Variants in ARHGAP29 observed in about 807,000 individuals in gnomAD.
ARHGAP29 encodes rho GTPase-activating protein 29.
ARHGAP29 carries 43 observed loss-of-function variants against 122.6 expected under a neutral mutation model. The observed-to-expected ratio is 0.35, with a 90% confidence interval of 0.27 to 0.45. The LOEUF (loss-of-function observed/expected upper bound fraction) is 0.45. Among genes scored for constraint, ARHGAP29 ranks in the 20% least tolerant of loss-of-function variants. ARHGAP29 has a pLI of 1.00. For synonymous variants in ARHGAP29, 506 were observed against 497.1 expected, an observed-to-expected ratio of 1.02 and a Z score of -0.24; for missense variants, 1,303 against 1,477.2, an observed-to-expected ratio of 0.88 and a Z score of 1.93.
chr1:94,218,307 T>C (rs1044951808), intron 3 of ARHGAP29, among the ~76,000 whole-genome samples: 2 of 152,228 alleles, frequency 1.3e-5, no homozygotes, highest in African/African-American at 2.4e-5. Context: ...AATCTTCCCC[T>C]TTTAAATGTC....
At chr1:94,241,041 G>A (rs768782552), upstream of ARHGAP29, among the ~76,000 whole-genome samples, 2 of 151,996 alleles carry the variant, frequency 1.3e-5, no homozygotes, top group East Asian at 1.9e-4. Context: ...CAGAGGACAG[G>A]GATACTGCTA....
intron 7 of ARHGAP29, 96 bp downstream of exon 7, chr1:94,204,965 C>G: frequency 8.6e-7 from 1 of 1,164,148 alleles, no homozygotes; most frequent in South Asian, 2.0e-5. Flanking sequence ...GAAACAGGTA[C>G]TAATTTGGAA....
rs751549644 is a variant in ARHGAP29 at position 94,184,216 on chromosome 1, A to G, written c.2182T>C (p.Leu728=). ...LCQALENGMH[L]VDISEFSSHD... ...GAACTAAATTCTGAAATATCTACCA[A>G]GTGCATTCCATTTTCCAAAGCTTGA... Residue 728 remains leucine, a synonymous_variant, in exon 19 of 23, where the codon TTG becomes CTG. Transcript: ENST00000260526. 19 of 1,612,288 alleles carry G rather than the reference A, an allele frequency of 1.2e-5. No homozygotes were observed. The East Asian group carries it at 3.6e-4, about 30-fold the overall frequency.
the ARHGAP29 span, among the ~76,000 whole-genome samples, chr1:94,305,845 A>T: frequency 3.8e-4 from 58 of 152,332 alleles, no homozygotes; most frequent in Non-Finnish European, 6.9e-4. Flanking sequence ...CTCAAAGTTC[A>T]AGGAATAAGT....
At chr1:94,283,346 C>T in the ARHGAP29 span, among the ~76,000 whole-genome samples, 1 of 152,182 alleles carries the variant, frequency 6.6e-6, no homozygotes, top group Admixed American at 6.6e-5. Flanking sequence ...CACAGGGCTG[C>T]TGAGTGGTTT....
chr1:94,228,209 TA>T (rs1652728817), intron 2 of ARHGAP29, among the ~76,000 whole-genome samples: 1 of 151,824 alleles, frequency 6.6e-6, no homozygotes, highest in Non-Finnish European at 1.5e-5. Context: ...ATATTTTTTC[TA>T]ATCAGTTCCT....
intron 16 of ARHGAP29, among the ~76,000 whole-genome samples, chr1:94,186,152 G>A (rs1012825316): frequency 4.6e-5 from 7 of 152,090 alleles, no homozygotes; most frequent in African/African-American, 1.4e-4. Context: ...TCTTTTGAAG[G>A]AGCTTTTTAG....
chr1:94,270,021 G>A (rs1012391393), intron 1 of ARHGAP29, among the ~76,000 whole-genome samples: 5 of 152,100 alleles, frequency 3.3e-5, no homozygotes, highest in East Asian at 1.9e-4. Flanking sequence ...TCCAGGCTAC[G>A]TTAACTATCC....
At chr1:94,253,005 C>CT (rs1420555344) in intron 1 of ARHGAP29, among the ~76,000 whole-genome samples, 1 of 151,962 alleles carries the variant, frequency 6.6e-6, no homozygotes, top group Admixed American at 6.6e-5. Flanking sequence ...GAGTCTCAGT[C>CT]TGTTGCCCAG....
intron 1 of ARHGAP29, among the ~76,000 whole-genome samples, chr1:94,269,808 T>C (rs1654920618): frequency 6.6e-6 from 1 of 152,092 alleles, no homozygotes; most frequent in African/African-American, 2.4e-5. Flanking sequence ...TGGGGAGACA[T>C]AAAGTCAACA....
chr1:94,250,809 G>A (rs753072402), intron 1 of ARHGAP29, among the ~76,000 whole-genome samples: 5 of 152,056 alleles, frequency 3.3e-5, no homozygotes, highest in Non-Finnish European at 5.9e-5. Flanking sequence ...ACTACATTTC[G>A]AACTCCAATT....
intron 11 of ARHGAP29, 40 bp downstream of exon 11, chr1:94,202,504 G>C (rs753528079): frequency 3.7e-6 from 6 of 1,605,894 alleles, no homozygotes; most frequent in Non-Finnish European, 3.4e-6. Context: ...GCAGATTACC[G>C]CTAATTCAAC....
intron 1 of ARHGAP29, among the ~76,000 whole-genome samples, chr1:94,243,059 A>G (rs1407647070): frequency 1.3e-5 from 2 of 152,132 alleles, no homozygotes; most frequent in Admixed American, 6.5e-5. Context: ...AAAAACTGAG[A>G]GAAATGTATG....
intron 2 of ARHGAP29, among the ~76,000 whole-genome samples, chr1:94,228,984 G>A (rs748020356): frequency 6.6e-6 from 1 of 151,750 alleles, no homozygotes; most frequent in Non-Finnish European, 1.5e-5. Flanking sequence ...CTTAACAAAC[G>A]TGAATTAAAA....
intron 19 of ARHGAP29, among the ~76,000 whole-genome samples, chr1:94,182,973 G>A (rs966308932): frequency 6.6e-6 from 1 of 152,116 alleles, no homozygotes; most frequent in Non-Finnish European, 1.5e-5. Context: ...AGATAAGGAG[G>A]AGTAAGTTCT....
chr1:94,284,494 T>G, the ARHGAP29 span, among the ~76,000 whole-genome samples: 8 of 152,344 alleles, frequency 5.3e-5, no homozygotes, highest in Non-Finnish European at 7.3e-5. Context: ...GTCATAGCAC[T>G]GACTTTGGCC....
At chr1:94,303,301 A>G in the ARHGAP29 span, among the ~76,000 whole-genome samples, 1 of 152,234 alleles carries the variant, frequency 6.6e-6, no homozygotes, top group Non-Finnish European at 1.5e-5. Context: ...TAAGTGAAAT[A>G]TGCTAGTCAC....
chr1:94,189,392 C>G (rs759449616), intron 13 of ARHGAP29, 40 bp from the exon 14 acceptor site: 1 of 1,557,474 alleles, frequency 6.4e-7, no homozygotes, highest in East Asian at 2.3e-5. Flanking sequence ...ACTCAACACT[C>G]CAAAGAATAA....
chr1:94,243,046 G>GA (rs1367756851), intron 1 of ARHGAP29, among the ~76,000 whole-genome samples: 3 of 151,912 alleles, frequency 2.0e-5, no homozygotes, highest in Admixed American at 6.6e-5. Context: ...CAGAGTATGA[G>GA]AAAAAAACTG....
Sources: gnomAD v4.1 joint callset for allele counts (sites outside exome capture counted in the v4.1 genomes callset) on GRCh38, gnomAD v4.1.1 for gene constraint, MANE v1.5 for transcripts, NCBI Gene and HGNC (gene_info 2026-07-23, HGNC 2026-07-21) for gene names.